The following MATR3 variants were observed in gnomAD, a reference collection of about 807,000 sequenced individuals.
MATR3 encodes the protein matrin-3.
Under a neutral mutation model 85.5 loss-of-function variants are expected in MATR3, and 4 were observed. The ratio of observed to expected loss-of-function variants is 0.05; its 90% CI spans 0.02 to 0.11. The LOEUF is 0.11. Ranked by LOEUF, MATR3 falls within the 10% of genes least tolerant of loss-of-function variation. The pLI, the probability that MATR3 is intolerant of heterozygous loss-of-function variation, is 1.00. For synonymous variants in MATR3, 336 were observed against 343.1 expected (o/e 0.98, Z 0.23); for missense variants, 685 against 1,016.1 (o/e 0.67, Z 4.43).
rs773056106 is a variant in MATR3, at chr5:139,329,471, A to G, written c.*76A>G. The G allele has an allele frequency of 4.3e-6, 5 of 1,167,346 alleles. No homozygotes were observed. The highest frequency in any genetic ancestry group is 6.4e-6 in the Non-Finnish European group (5 of 782,134). The allele number at this position is 1,167,346 out of a possible 1,614,324, so 72.3% of individuals were successfully genotyped here. ...TTAATGTTAACCTTTTTTAAATACA[A>G]TACTGATAGTTAGAAGAAAACTATT... On this transcript the variant is annotated 3_prime_UTR_variant, in exon 15 of 15. Transcript: ENST00000394805.
rs1034175606 is a variant in MATR3 at position 139,282,215 on chromosome 5, G to A, written c.-178+3086G>A. Among the ~76,000 whole-genome samples, 33 of 152,274 alleles carry A rather than the reference G, an allele frequency of 2.2e-4. 1 individual carries two copies. Among genetic ancestry groups the A allele is most frequent in the African/African-American group, 7.9e-4 (33 of 41,556 alleles). On this transcript the variant is annotated intron_variant, in intron 3 of 16. Transcript: ENST00000509990. ...TTTATGAACACAGCTCCAGTTAATG[G>A]ACCTGTCAATATACTCTTGAAAAAC... is the stretch of plus-strand genomic sequence containing the variant.
At chr5:139,279,298 G>C (rs1021961216) in intron 3 of MATR3, 2 of 377,202 alleles carry the variant, frequency 5.3e-6, no homozygotes, top group Non-Finnish European at 1.1e-5. Flanking sequence ...GCTCGATCTC[G>C]GCTCACTGCA....
At chr5:139,318,042 A>G (rs1010151241) in intron 7 of MATR3, among the ~76,000 whole-genome samples, 6 of 152,226 alleles carry the variant, frequency 3.9e-5, no homozygotes, top group African/African-American at 1.4e-4. Flanking sequence ...TCCAATTGGC[A>G]TAGTAAATGA....
At chr5:139,296,552 C>T (rs1367488745) in intron 1 of MATR3, among the ~76,000 whole-genome samples, 6 of 152,024 alleles carry the variant, frequency 3.9e-5, no homozygotes, top group Non-Finnish European at 7.4e-5. Flanking sequence ...ATATTAGAGT[C>T]CTCTGTATTT....
chr5:139,285,040 A>G (rs1340723686), intron 3 of MATR3, among the ~76,000 whole-genome samples: 1 of 152,200 alleles, frequency 6.6e-6, no homozygotes, highest in Admixed American at 6.5e-5. Context: ...TTACTTGCCC[A>G]AAGTCACAGT....
At chr5:139,275,142 A>ATTTTTTTTT (rs750841386) in intron 1 of MATR3, among the ~76,000 whole-genome samples, 10 of 40,910 alleles carry the variant, frequency 2.4e-4, no homozygotes, top group Admixed American at 3.5e-4. Flanking sequence ...CGCCCGGCTA[A>ATTTTTTTTT]TTTTTTTTTT....
chr5:139,274,102 C>T (rs1170067680), exon 1 of MATR3: 7 of 451,628 alleles, frequency 1.5e-5, no homozygotes, highest in Admixed American at 1.4e-4. Flanking sequence ...TCCCGGCTGC[C>T]CTTTCCCCTC....
At chr5:139,321,835 T>A (rs1260279585) in intron 9 of MATR3, 63 bp from the exon 10 acceptor site, 2 of 1,541,822 alleles carry the variant, frequency 1.3e-6, no homozygotes, top group East Asian at 2.3e-5. Context: ...GAATACATAA[T>A]AAGGTTTTAT....
At chr5:139,289,932 T>C (rs537046030), upstream of MATR3, among the ~76,000 whole-genome samples, 3 of 152,330 alleles carry the variant, frequency 2.0e-5, no homozygotes, top group East Asian at 3.9e-4. Context: ...CTTGTAGATG[T>C]CATTGGTCTT....
At chr5:139,299,753 T>G (rs748524938) in intron 1 of MATR3, 2 of 152,276 alleles carry the variant, frequency 1.3e-5, no homozygotes, top group South Asian at 4.2e-4. Context: ...TGTTTCAGGT[T>G]GTTTATGTTG....
At chr5:139,305,273 C>G (rs1307423308) in intron 1 of MATR3, among the ~76,000 whole-genome samples, 2 of 152,184 alleles carry the variant, frequency 1.3e-5, no homozygotes, top group African/African-American at 2.4e-5. Context: ...TGTTGATCCA[C>G]TGTTTTCCTA....
At chr5:139,286,859 GAATAATGGT>G (rs952487021) in intron 3 of MATR3, among the ~76,000 whole-genome samples, 1 of 148,530 alleles carries the variant, frequency 6.7e-6, no homozygotes, top group Non-Finnish European at 1.5e-5. Context: ...AAAAAAAAAG[GAATAATGGT>G]AATTAAAATG....
chr5:139,299,323 T>C (rs1414965087), intron 1 of MATR3, among the ~76,000 whole-genome samples: 1 of 152,176 alleles, frequency 6.6e-6, no homozygotes, highest in Admixed American at 6.5e-5. Flanking sequence ...TGTTTGGTTA[T>C]GGTTGGGGAA....
chr5:139,290,901 G>A (rs1346313813), upstream of MATR3, among the ~76,000 whole-genome samples: 1 of 152,156 alleles, frequency 6.6e-6, no homozygotes, highest in Non-Finnish European at 1.5e-5. Context: ...GCGTTGGATA[G>A]TATTAAATAG....
At chr5:139,316,807 A>G (rs543943893) in intron 5 of MATR3, among the ~76,000 whole-genome samples, 2 of 152,218 alleles carry the variant, frequency 1.3e-5, no homozygotes, top group Middle Eastern at 3.4e-3. Context: ...CAGCCTCCCA[A>G]AGTGCTGGGA....
chr5:139,289,146 ATGAT>A (rs1240543538), upstream of MATR3, among the ~76,000 whole-genome samples: 3 of 152,240 alleles, frequency 2.0e-5, no homozygotes, highest in Admixed American at 1.3e-4. Context: ...AGCCTGTCAA[ATGAT>A]TGGCCTCAAA....
chr5:139,324,510 T>G (rs1755745545), intron 12 of MATR3, among the ~76,000 whole-genome samples: 1 of 152,064 alleles, frequency 6.6e-6, no homozygotes, highest in Admixed American at 6.6e-5. Flanking sequence ...TGGCTGGTAT[T>G]GAACTCCTGA....
At chr5:139,278,209 C>A in intron 2 of MATR3, 1 of 347,782 alleles carries the variant, frequency 2.9e-6, no homozygotes, top group Non-Finnish European at 5.8e-6. Flanking sequence ...TCAGTCTAGA[C>A]AGAGTGAGAC....
chr5:139,294,011 CCTT>C, intron 1 of MATR3: 1 of 1,286,064 alleles, frequency 7.8e-7, no homozygotes. Flanking sequence ...GCGCAACCAG[CCTT>C]CTAGGGCGGC....
Sources: allele counts gnomAD v4.1 joint callset (sites outside exome capture counted in the v4.1 genomes callset), GRCh38; gene constraint gnomAD v4.1.1; transcripts MANE v1.5; gene names NCBI Gene and HGNC (gene_info 2026-07-23, HGNC 2026-07-21).